The following FIGN variants were observed in gnomAD, a reference collection of about 807,000 sequenced individuals.
FIGN encodes fidgetin, microtubule severing factor.
In FIGN, 11 loss-of-function variants were observed where a neutral mutation model predicts 51.3. The ratio of observed to expected loss-of-function variants is 0.21; its 90% confidence interval spans 0.13 to 0.35. The LOEUF is 0.35. Ranked by LOEUF, FIGN falls within the 10% of genes least tolerant of loss-of-function variation. The pLI is 1.00. For synonymous variants in FIGN, 407 were observed against 363.2 expected (o/e 1.12, Z -1.37); for missense variants, 857 against 943.6 (o/e 0.91, Z 1.20).
rs970245046 is a variant in FIGN at position 163,603,716 on chromosome 2, C to T, written c.*5836G>A. The T allele has an allele frequency of 6.6e-6, 1 of 152,036 alleles. No homozygotes were observed. Among genetic ancestry groups the T allele is most frequent in the Non-Finnish European group, 1.5e-5 (1 of 67,972 alleles). 9.4% of individuals were successfully genotyped at this position (152,036 alleles called of 1,614,324 possible). A position where few individuals can be genotyped will look rare whatever the true frequency, so the allele number is the denominator to read the frequency against. ...GTTGTGGATTGTCACAGTTCATTTG[C>T]TTTTGTAAAATATCCACAATTTGCT... On this transcript the variant is annotated 3_prime_UTR_variant, in exon 3 of 3. Coordinates refer to ENST00000333129, the MANE Select transcript of FIGN (RefSeq NM_018086.4).
intron 2 of FIGN, among the ~76,000 whole-genome samples, chr2:163,679,435 G>T (rs1422127060): frequency 6.6e-6 from 1 of 151,742 alleles, no homozygotes; most frequent in Admixed American, 6.6e-5. Flanking sequence ...GGCAGAGCTT[G>T]CAGTGAGCAG....
rs748727733 is a variant in FIGN at position 163,610,330 on chromosome 2, T to C, written c.1502A>G (p.Glu501Gly). Residue 501 changes from glutamate to glycine, a missense_variant, in exon 3 of 3, where the codon GAG (glutamate) becomes GGG (glycine). Physicochemically the swap from Glu to Gly is moderately conservative, Grantham distance 98. Around this residue, in one of 3 missense-constraint regions of FIGN, gnomAD observed 799 missense variants for 849.5 expected, o/e 0.94. Coordinates refer to ENST00000333129, the MANE Select transcript of FIGN (RefSeq NM_018086.4). ...TGACCTCAACACTGGCCATAAAACC[T>C]CCTCTTTAATGACAGCCTTCACCAG... is the stretch of plus-strand genomic sequence containing the variant. ...LDLVKAVIKE[E>G]VLWPVLRSDA... 2 of 1,614,082 alleles carry C rather than the reference T, an allele frequency of 1.2e-6. No individual in the cohort carries two copies. Among genetic ancestry groups the C allele is most frequent in the Middle Eastern group, 1.6e-4 (1 of 6,062 alleles).
chr2:163,669,902 AG>A (rs1683848112), intron 2 of FIGN, among the ~76,000 whole-genome samples: 1 of 152,222 alleles, frequency 6.6e-6, no homozygotes, highest in Admixed American at 6.5e-5. Flanking sequence ...TTAATAGAAA[AG>A]TTAACTTAAA....
intron 2 of FIGN, among the ~76,000 whole-genome samples, chr2:163,632,367 T>G (rs1683158015): frequency 6.6e-6 from 1 of 152,344 alleles, no homozygotes; most frequent in South Asian, 2.1e-4. Flanking sequence ...CCAGTTCTTT[T>G]GCTCTCACTC....
intron 2 of FIGN, among the ~76,000 whole-genome samples, chr2:163,633,610 CAG>C: frequency 6.6e-6 from 1 of 152,288 alleles, no homozygotes; most frequent in African/African-American, 2.4e-5. Flanking sequence ...CTAGCATTGA[CAG>C]AGTCCCAGAA....
At chr2:163,680,584 G>T (rs1327596556) in intron 2 of FIGN, among the ~76,000 whole-genome samples, 1 of 152,116 alleles carries the variant, frequency 6.6e-6, no homozygotes, top group African/African-American at 2.4e-5. Context: ...TCTAGAATTA[G>T]TGCTTCCATC....
intron 2 of FIGN, among the ~76,000 whole-genome samples, chr2:163,711,953 A>C (rs1177912073): frequency 6.6e-6 from 1 of 152,114 alleles, no homozygotes; most frequent in African/African-American, 2.4e-5. Context: ...CTCTGGAATA[A>C]GCATGAAAGC....
chr2:163,689,350 G>A (rs566770461), intron 2 of FIGN, among the ~76,000 whole-genome samples: 1 of 152,120 alleles, frequency 6.6e-6, no homozygotes, highest in African/African-American at 2.4e-5. Context: ...ACATATATTT[G>A]TTGATCTATA....
At chr2:163,714,505 C>T (rs1405608966) in intron 2 of FIGN, among the ~76,000 whole-genome samples, 3 of 152,170 alleles carry the variant, frequency 2.0e-5, no homozygotes, top group Non-Finnish European at 4.4e-5. Context: ...CCCTAACTAA[C>T]CTGTTCAGGA....
At chr2:163,716,013 C>A (rs933786482) in intron 2 of FIGN, among the ~76,000 whole-genome samples, 2 of 152,134 alleles carry the variant, frequency 1.3e-5, no homozygotes, top group African/African-American at 4.8e-5. Context: ...CACATTATTC[C>A]CATGAATGAT....
At chr2:163,652,727 A>G (rs1158054971) in intron 2 of FIGN, among the ~76,000 whole-genome samples, 4 of 152,118 alleles carry the variant, frequency 2.6e-5, no homozygotes, top group African/African-American at 9.7e-5. Flanking sequence ...CCATAATCTT[A>G]TTATAATCCA....
At chr2:163,648,870 C>T (rs1265054436) in intron 2 of FIGN, among the ~76,000 whole-genome samples, 2 of 152,084 alleles carry the variant, frequency 1.3e-5, no homozygotes, top group Non-Finnish European at 2.9e-5. Flanking sequence ...TGTAAGAAGA[C>T]GAATTTCATT....
At chr2:163,695,185 A>G (rs190846834) in intron 2 of FIGN, among the ~76,000 whole-genome samples, 87 of 152,248 alleles carry the variant, frequency 5.7e-4, no homozygotes, top group South Asian at 5.6e-3. Context: ...GAAGGTGTCT[A>G]TATTTGACAT....
chr2:163,630,340 C>G (rs1032796195), intron 2 of FIGN, among the ~76,000 whole-genome samples: 13 of 151,996 alleles, frequency 8.6e-5, no homozygotes, highest in Non-Finnish European at 1.2e-4. Flanking sequence ...TTTTCTGGAT[C>G]TCCTTTCATT....
intron 2 of FIGN, among the ~76,000 whole-genome samples, chr2:163,647,004 G>A (rs1683393090): frequency 1.3e-5 from 2 of 152,194 alleles, no homozygotes; most frequent in African/African-American, 4.8e-5. Flanking sequence ...AGGCTTCCCT[G>A]ACAACACCAA....
chr2:163,609,867 G>A lies in FIGN; in HGVS notation c.1965C>T (p.Ser655=), dbSNP rs944169389. The A allele has an allele frequency of 6.2e-7, 1 of 1,614,074 alleles. No individual in the cohort carries two copies. Among genetic ancestry groups the A allele is most frequent in the African/African-American group, 1.3e-5 (1 of 74,936 alleles). ...GTACTATTATCTGGTGCCTCGCTGT[G>A]CTGTCAGGAAGTGGGATTAAAAGTC... The part of the protein sequence containing the change: ...MKRLLIPLPD[S]TARHQIIVQL... The change falls in exon 3 of 3, where the codon AGC becomes AGT. Residue 655 remains serine, a synonymous_variant. Coordinates refer to ENST00000333129, the MANE Select transcript of FIGN (RefSeq NM_018086.4).
intron 2 of FIGN, among the ~76,000 whole-genome samples, chr2:163,734,080 G>A (rs955332725): frequency 6.6e-6 from 1 of 151,170 alleles, no homozygotes; most frequent in Non-Finnish European, 1.5e-5. Flanking sequence ...TGCCACAAGA[G>A]CTATTGAAAA....
intron 2 of FIGN, among the ~76,000 whole-genome samples, chr2:163,717,434 C>T (rs924787933): frequency 3.3e-5 from 5 of 152,166 alleles, no homozygotes; most frequent in African/African-American, 1.2e-4. Context: ...CACTTGAAAA[C>T]ATATAAGCTT....
intron 2 of FIGN, among the ~76,000 whole-genome samples, chr2:163,731,597 G>A (rs1478527464): frequency 6.6e-6 from 1 of 151,874 alleles, no homozygotes; most frequent in Non-Finnish European, 1.5e-5. Flanking sequence ...AGCTACAGGA[G>A]TCTTAAATAT....
Sources: allele counts gnomAD v4.1 joint callset (sites outside exome capture counted in the v4.1 genomes callset), GRCh38; gene constraint gnomAD v4.1.1; regional missense constraint gnomAD v4.1.1; transcripts MANE v1.5; gene names NCBI Gene and HGNC (gene_info 2026-07-23, HGNC 2026-07-21).